NLGN1: variants seen among roughly 807,000 people sequenced by gnomAD.
The protein encoded by NLGN1 is neuroligin-1.
A neutral mutation model predicts 65.5 loss-of-function variants in NLGN1; 12 were observed. That is an observed-to-expected ratio of 0.18 (90% CI 0.12 to 0.30). The LOEUF is 0.30. Among genes scored for constraint, NLGN1 ranks in the 10% least tolerant of loss-of-function variants. NLGN1 has a pLI of 1.00. For missense variants in NLGN1, 750 were observed against 1,007.1 expected, an observed-to-expected ratio of 0.74 and a Z score of 3.46; for synonymous variants, 350 against 359.5, an observed-to-expected ratio of 0.97 and a Z score of 0.30.
chr3:174,053,014 C>T (rs41503152), intron 4 of NLGN1, among the ~76,000 whole-genome samples: 8,047 of 152,032 alleles, frequency 0.053, 443 homozygotes, highest in African/African-American at 0.14. Context: ...ATGTTATTTG[C>T]ACTCCATTCT....
At chr3:174,103,126 T>C (rs1437970061) in intron 4 of NLGN1, among the ~76,000 whole-genome samples, 1 of 152,192 alleles carries the variant, frequency 6.6e-6, no homozygotes, top group Non-Finnish European at 1.5e-5. Flanking sequence ...TCCACACTGT[T>C]TTGACATTTG....
intron 2 of NLGN1, among the ~76,000 whole-genome samples, chr3:173,547,275 A>G (rs980084940): frequency 1.3e-5 from 2 of 152,130 alleles, no homozygotes; most frequent in Non-Finnish European, 2.9e-5. Context: ...AGTCTTGTAA[A>G]TCTTTCATTC....
At chr3:174,034,583 C>T (rs1730723644) in intron 4 of NLGN1, among the ~76,000 whole-genome samples, 1 of 152,006 alleles carries the variant, frequency 6.6e-6, no homozygotes, top group South Asian at 2.1e-4. Flanking sequence ...ATCACCTGTA[C>T]TACATGTGAA....
At chr3:173,710,886 C>T (rs1249032490) in intron 3 of NLGN1, among the ~76,000 whole-genome samples, 6 of 152,034 alleles carry the variant, frequency 3.9e-5, no homozygotes, top group Admixed American at 6.6e-5. Context: ...CTGTGGTGAC[C>T]TGGGAGTGCA....
At chr3:173,777,727 T>C (rs1292175957) in intron 3 of NLGN1, among the ~76,000 whole-genome samples, 1 of 151,754 alleles carries the variant, frequency 6.6e-6, no homozygotes, top group Non-Finnish European at 1.5e-5. Flanking sequence ...CTTAGGTTGA[T>C]TTCATATCTT....
chr3:173,774,924 T>C (rs1780082991), intron 3 of NLGN1, among the ~76,000 whole-genome samples: 1 of 152,176 alleles, frequency 6.6e-6, no homozygotes, highest in African/African-American at 2.4e-5. Context: ...TAAAATCTTT[T>C]ACCTATAGTT....
At chr3:173,862,594 G>A (rs985224761) in intron 4 of NLGN1, among the ~76,000 whole-genome samples, 2 of 151,068 alleles carry the variant, frequency 1.3e-5, no homozygotes, top group African/African-American at 4.9e-5. Flanking sequence ...AAAAATAGAG[G>A]GTACGCATAT....
At chr3:173,721,359 G>A (rs1346170462) in intron 3 of NLGN1, among the ~76,000 whole-genome samples, 1 of 152,180 alleles carries the variant, frequency 6.6e-6, no homozygotes, top group Non-Finnish European at 1.5e-5. Flanking sequence ...AGGCCAATCT[G>A]AATGTTTTTT....
At chr3:174,032,614 G>T (rs992699718) in intron 4 of NLGN1, among the ~76,000 whole-genome samples, 1 of 152,134 alleles carries the variant, frequency 6.6e-6, no homozygotes, top group African/African-American at 2.4e-5. Flanking sequence ...TCTAGGGGCT[G>T]CAGTCTTAGA....
At chr3:173,830,008 G>T (rs540228114) in intron 4 of NLGN1, among the ~76,000 whole-genome samples, 2 of 65,502 alleles carry the variant, frequency 3.1e-5, no homozygotes, top group African/African-American at 1.5e-4. Flanking sequence ...TGGGTAGTGT[G>T]GGGGGGGGAG....
chr3:173,974,604 A>G (rs1717007596), intron 4 of NLGN1, among the ~76,000 whole-genome samples: 3 of 152,078 alleles, frequency 2.0e-5, no homozygotes, highest in Non-Finnish European at 4.4e-5. Flanking sequence ...AAACATATGA[A>G]TAAAATATTT....
chr3:173,503,819 T>C (rs1731554380), intron 2 of NLGN1, among the ~76,000 whole-genome samples: 1 of 152,080 alleles, frequency 6.6e-6, no homozygotes. Context: ...TGATACTTGA[T>C]GGTAATTTTT....
At chr3:174,028,182 G>A (rs1729234361) in intron 4 of NLGN1, among the ~76,000 whole-genome samples, 1 of 152,184 alleles carries the variant, frequency 6.6e-6, no homozygotes, top group South Asian at 2.1e-4. Context: ...GTTGAGTGGG[G>A]TGCTGCTGCA....
chr3:173,816,513 A>G (rs1290574712), intron 4 of NLGN1, among the ~76,000 whole-genome samples: 2 of 152,232 alleles, frequency 1.3e-5, no homozygotes, highest in African/African-American at 4.8e-5. Flanking sequence ...GTTTTCTAAA[A>G]CGCTAGATTT....
chr3:173,959,703 A>G (rs968964268), intron 4 of NLGN1, among the ~76,000 whole-genome samples: 9 of 152,298 alleles, frequency 5.9e-5, no homozygotes, highest in Non-Finnish European at 1.0e-4. Flanking sequence ...TCATATGCAA[A>G]AGTGCTATTA....
chr3:174,118,159 A>C (rs1312104588), intron 4 of NLGN1, among the ~76,000 whole-genome samples: 1 of 152,204 alleles, frequency 6.6e-6, no homozygotes, highest in Non-Finnish European at 1.5e-5. Context: ...ACAACTGCTC[A>C]GGGATTTTTT....
intron 4 of NLGN1, among the ~76,000 whole-genome samples, chr3:173,948,062 A>G (rs1056501198): frequency 6.6e-6 from 1 of 152,198 alleles, no homozygotes; most frequent in Non-Finnish European, 1.5e-5. Context: ...GTTAGCATCA[A>G]CATACAGGGT....
chr3:173,677,291 C>G (rs1269430193), intron 3 of NLGN1, among the ~76,000 whole-genome samples: 1 of 151,988 alleles, frequency 6.6e-6, no homozygotes, highest in African/African-American at 2.4e-5. Flanking sequence ...GTAGTACCGT[C>G]TTGCACCTGC....
Position 173,635,038 on chromosome 3 carries a change from TA to T in NLGN1, c.493+29955del, listed in dbSNP as rs532013586. 6.0e-3 allele frequency among the ~76,000 whole-genome samples: 906 copies of T among 152,082 alleles called. 12 individuals are homozygous for T. The highest frequency in any genetic ancestry group is 0.02 in the African/African-American group (848 of 41,498). ...TAAAATATAACACATGTAGCACATGTAAAAAAAAGTTAATAAAACTCTGCTT... is the reference window on the plus strand; with the variant it reads ...TAAAATATAACACATGTAGCACATGTAAAAAAAGTTAATAAAACTCTGCTT... On this transcript the variant is annotated intron_variant, in intron 3 of 6. Transcript: ENST00000457714.
Sources: gnomAD v4.1 joint callset for allele counts (sites outside exome capture counted in the v4.1 genomes callset) on GRCh38, gnomAD v4.1.1 for gene constraint, MANE v1.5 for transcripts, NCBI Gene and HGNC (gene_info 2026-07-23, HGNC 2026-07-21) for gene names.